The following RAI14 variants were observed in gnomAD, a reference collection of about 807,000 sequenced individuals.
RAI14 encodes ankycorbin.
A neutral mutation model predicts 115.4 loss-of-function variants in RAI14; 45 were observed. That is an observed-to-expected ratio of 0.39 (90% confidence interval 0.31 to 0.50). The LOEUF is 0.50. RAI14 is among the 20% of genes least tolerant of loss of function. The pLI, the probability that RAI14 is intolerant of heterozygous loss-of-function variation, is 0.85. For missense variants in RAI14, 939 were observed against 1,131.2 expected, an observed-to-expected ratio of 0.83 and a Z score of 2.44; for synonymous variants, 371 against 415.4, an observed-to-expected ratio of 0.89 and a Z score of 1.30.
intron 2 of RAI14, among the ~76,000 whole-genome samples, chr5:34,711,204 G>A (rs529833150): frequency 6.6e-6 from 1 of 152,348 alleles, no homozygotes; most frequent in African/African-American, 2.4e-5. Context: ...CCTGGGTGCA[G>A]GCGGGTTGAG....
At chr5:34,774,663 C>T (rs1750619701) in intron 3 of RAI14, among the ~76,000 whole-genome samples, 1 of 151,970 alleles carries the variant, frequency 6.6e-6, no homozygotes, top group Non-Finnish European at 1.5e-5. Context: ...ATTCTTCCAA[C>T]CATGAACATG....
chr5:34,693,749 C>G (rs1188742425), intron 2 of RAI14, among the ~76,000 whole-genome samples: 1 of 152,164 alleles, frequency 6.6e-6, no homozygotes, highest in Non-Finnish European at 1.5e-5. Context: ...TAACAGGTTG[C>G]TGGTTCCTAA....
At chr5:34,774,468 C>G (rs1049748835) in intron 3 of RAI14, among the ~76,000 whole-genome samples, 2 of 151,992 alleles carry the variant, frequency 1.3e-5, no homozygotes, top group African/African-American at 4.8e-5. Flanking sequence ...TATATGCCAA[C>G]AGCAAACCAT....
intron 2 of RAI14, among the ~76,000 whole-genome samples, chr5:34,752,425 G>C (rs896250931): frequency 6.6e-6 from 1 of 152,004 alleles, no homozygotes; most frequent in African/African-American, 2.4e-5. Flanking sequence ...GAGAAAAACC[G>C]TAAGCTCTCG....
At chr5:34,687,571 T>C in intron 2 of RAI14, 1 of 1,449,594 alleles carries the variant, frequency 6.9e-7, no homozygotes, top group Non-Finnish European at 9.1e-7. Context: ...GAGAAAAACA[T>C]AGCAGAGGGG....
chr5:34,803,486 G>T (rs1754514292), intron 4 of RAI14, among the ~76,000 whole-genome samples: 1 of 152,118 alleles, frequency 6.6e-6, no homozygotes, highest in Non-Finnish European at 1.5e-5. Flanking sequence ...TAGCCTGGGA[G>T]GTTGAGGCTG....
chr5:34,700,451 A>C (rs1413679875), intron 2 of RAI14, among the ~76,000 whole-genome samples: 1 of 152,232 alleles, frequency 6.6e-6, no homozygotes, highest in Non-Finnish European at 1.5e-5. Flanking sequence ...TCTTGGACAC[A>C]GTAGGACATG....
chr5:34,790,146 T>C (rs1752748605), intron 3 of RAI14, among the ~76,000 whole-genome samples: 1 of 152,224 alleles, frequency 6.6e-6, no homozygotes, highest in Admixed American at 6.5e-5. Context: ...TTCTGTACAT[T>C]GGTGATTAAT....
At chr5:34,800,500 C>T (rs532316714) in intron 4 of RAI14, among the ~76,000 whole-genome samples, 5 of 152,220 alleles carry the variant, frequency 3.3e-5, no homozygotes, top group East Asian at 3.9e-4. Flanking sequence ...AATAGTATTT[C>T]GTCCAGAAAA....
intron 2 of RAI14, among the ~76,000 whole-genome samples, chr5:34,731,266 A>T (rs571733159): frequency 2.0e-4 from 31 of 152,318 alleles, no homozygotes; most frequent in African/African-American, 6.7e-4. Context: ...AATAGATAAA[A>T]ATGTATACTA....
intron 2 of RAI14, among the ~76,000 whole-genome samples, chr5:34,695,564 C>G (rs1209977595): frequency 6.6e-6 from 1 of 151,690 alleles, no homozygotes; most frequent in Non-Finnish European, 1.5e-5. Context: ...CACTAAATTT[C>G]AAAGACATTG....
At chr5:34,660,934 A>G (rs1177046249) in intron 1 of RAI14, among the ~76,000 whole-genome samples, 2 of 152,108 alleles carry the variant, frequency 1.3e-5, no homozygotes, top group Non-Finnish European at 2.9e-5. Flanking sequence ...AGACGTCTAC[A>G]TGGCTGTGTC....
intron 3 of RAI14, among the ~76,000 whole-genome samples, chr5:34,771,223 C>T (rs572789438): frequency 2.6e-5 from 4 of 152,314 alleles, no homozygotes; most frequent in East Asian, 1.9e-4. Flanking sequence ...TCTTCTGCAA[C>T]GTCCTAACAC....
intron 5 of RAI14, among the ~76,000 whole-genome samples, chr5:34,806,215 G>T (rs1449131305): frequency 1.3e-5 from 2 of 152,174 alleles, no homozygotes; most frequent in African/African-American, 2.4e-5. Flanking sequence ...GGTCACAAAG[G>T]TGCTGGCCAG....
At chr5:34,787,719 C>T (rs1752460601) in intron 3 of RAI14, among the ~76,000 whole-genome samples, 1 of 151,752 alleles carries the variant, frequency 6.6e-6, no homozygotes, top group African/African-American at 2.4e-5. Flanking sequence ...CTTAATTGTG[C>T]ATTTTTAAAA....
At chr5:34,674,361 A>G (rs1450291495) in intron 1 of RAI14, among the ~76,000 whole-genome samples, 1 of 152,188 alleles carries the variant, frequency 6.6e-6, no homozygotes, top group African/African-American at 2.4e-5. Flanking sequence ...GACGTCTCCA[A>G]CATTCCAGAA....
chr5:34,769,655 T>C (rs1055225881), intron 3 of RAI14, among the ~76,000 whole-genome samples: 2 of 152,166 alleles, frequency 1.3e-5, no homozygotes, highest in African/African-American at 4.8e-5. Flanking sequence ...GTAAGTGAAT[T>C]TGAGTGGCTT....
chr5:34,813,774 T>A, intron 11 of RAI14, 114 bp downstream of exon 11: 1 of 655,584 alleles, frequency 1.5e-6, no homozygotes, highest in Non-Finnish European at 2.3e-6. Context: ...AGTGCATATT[T>A]AAAATTTTCC....
chr5:34,724,564 G>A (rs184625456), intron 2 of RAI14, among the ~76,000 whole-genome samples: 4 of 152,142 alleles, frequency 2.6e-5, no homozygotes, highest in Non-Finnish European at 5.9e-5. Context: ...CAAGTGGACC[G>A]AGAAATCCAA....
Sources: allele counts gnomAD v4.1 joint callset (sites outside exome capture counted in the v4.1 genomes callset), GRCh38; gene constraint gnomAD v4.1.1; transcripts MANE v1.5; gene names NCBI Gene and HGNC (gene_info 2026-07-23, HGNC 2026-07-21).